CAGE1: variants seen among roughly 807,000 people sequenced by gnomAD.
The protein encoded by CAGE1 is cancer-associated gene 1 protein.
CAGE1 carries 66 observed loss-of-function variants against 94.9 expected under a neutral mutation model. The observed-to-expected ratio is 0.70, with a 90% confidence interval of 0.57 to 0.85. The LOEUF (loss-of-function observed/expected upper bound fraction) is 0.85. Among genes scored for constraint, CAGE1 ranks in the 40% least tolerant of loss-of-function variants. CAGE1 has a pLI of 0.00. For missense variants in CAGE1, 865 were observed against 950.4 expected (o/e 0.91, Z 1.18); for synonymous variants, 319 against 321.0 (o/e 0.99, Z 0.07).
intron 11 of CAGE1, among the ~76,000 whole-genome samples, chr6:7,345,220 A>G (rs1411796682): frequency 6.7e-6 from 1 of 149,862 alleles, no homozygotes; most frequent in Non-Finnish European, 1.5e-5. Flanking sequence ...AGTTAGTATA[A>G]GCTACCAGCC....
chr6:7,340,129 G>A (rs1471176700), intron 11 of CAGE1, among the ~76,000 whole-genome samples: 1 of 152,208 alleles, frequency 6.6e-6, no homozygotes, highest in Non-Finnish European at 1.5e-5. Context: ...GAGTAAGGTA[G>A]TATCACATTG....
At chr6:7,353,219 G>C (rs899923819) in intron 11 of CAGE1, among the ~76,000 whole-genome samples, 2 of 152,102 alleles carry the variant, frequency 1.3e-5, no homozygotes, top group Non-Finnish European at 2.9e-5. Flanking sequence ...CCATCAAAAA[G>C]TGGGCTAAGG....
Position 7,326,901 on chromosome 6 carries a change from T to TA in CAGE1, c.2479-3dup. The TA allele has an allele frequency of 1.9e-6, 3 of 1,583,784 alleles. No homozygotes were observed. Among genetic ancestry groups the TA allele is most frequent in the Non-Finnish European group, 2.6e-6 (3 of 1,153,094 alleles). Reference sequence around the variant, plus strand: ...ATTTTCTTTAAAAAGAGCTGGCATCTAAAAATGAAAGGAAAAATGTTTCGT... The same window carrying TA: ...ATTTTCTTTAAAAAGAGCTGGCATCTAAAAAATGAAAGGAAAAATGTTTCGT... On this transcript the variant is annotated splice_polypyrimidine_tract_variant and splice_region_variant and intron_variant, in intron 13 of 13. Coordinates refer to ENST00000502583, the MANE Select transcript of CAGE1 (RefSeq NM_001170692.2).
intron 5 of CAGE1, 67 bp from the exon 6 acceptor site, chr6:7,370,132 T>C: frequency 1.5e-6 from 2 of 1,311,954 alleles, no homozygotes; most frequent in East Asian, 5.1e-5. Context: ...TTAAGTAAAA[T>C]GCTGAATAAA....
intron 3 of CAGE1, among the ~76,000 whole-genome samples, chr6:7,381,163 C>A (rs1555770): frequency 6.6e-6 from 1 of 151,944 alleles, no homozygotes; most frequent in Admixed American, 6.6e-5. Context: ...AAGCTCTAAC[C>A]CCTAGTACCT....
intron 9 of CAGE1, 149 bp from the exon 10 acceptor site, chr6:7,356,278 T>C (rs1759950287): frequency 1.7e-6 from 1 of 599,820 alleles, no homozygotes; most frequent in Admixed American, 3.0e-5. Flanking sequence ...TGAGAGGCTA[T>C]GAACCAGATA....
intron 11 of CAGE1, chr6:7,338,763 T>A: frequency 1.4e-6 from 1 of 720,506 alleles, no homozygotes; most frequent in Non-Finnish European, 2.5e-6. Flanking sequence ...TTTTTTTCTG[T>A]CTTTGTACAA....
At chr6:7,358,025 G>GAAATATATATATATATAT (rs1491488344) in intron 9 of CAGE1, among the ~76,000 whole-genome samples, 10 of 20,296 alleles carry the variant, frequency 4.9e-4, no homozygotes, top group African/African-American at 1.6e-3. Flanking sequence ...GGTAAGTTTT[G>GAAATATATATATATATAT]AGATATATAT....
chr6:7,329,892 T>C lies in CAGE1; in HGVS notation c.2439-4A>G, dbSNP rs746266008. 3.6e-6 allele frequency: 5 copies of C among 1,381,824 alleles called. No individual in the cohort carries two copies. Among genetic ancestry groups the C allele is most frequent in the Non-Finnish European group, 5.1e-6 (5 of 987,218 alleles). 85.6% of individuals were successfully genotyped at this position (1,381,824 alleles called of 1,614,324 possible). A position where few individuals can be genotyped will look rare whatever the true frequency, so the allele number is the denominator to read the frequency against. On this transcript the variant is annotated splice_polypyrimidine_tract_variant and splice_region_variant and intron_variant, in intron 12 of 13. Coordinates refer to ENST00000502583, the MANE Select transcript of CAGE1 (RefSeq NM_001170692.2). ...ATGATTTTCTAAGCTTTTTGATCTGTAAGAAATAGAAAGAAAATAATGTAA... is the reference window on the plus strand; with the variant it reads ...ATGATTTTCTAAGCTTTTTGATCTGCAAGAAATAGAAAGAAAATAATGTAA...
In CAGE1 at chr6:7,387,129, A is replaced by G. The variant is rs1401581497; in HGVS notation, c.45T>C (p.Pro15=). 6.4e-7 allele frequency: 1 copy of G among 1,551,378 alleles called. No individual in the cohort carries two copies. The highest frequency in any genetic ancestry group is 8.7e-7 in the Non-Finnish European group (1 of 1,146,838). The change falls in exon 2 of 14, where the codon CCT becomes CCC. Residue 15 remains proline, a synonymous_variant. Coordinates refer to ENST00000502583, the MANE Select transcript of CAGE1 (RefSeq NM_001170692.2). ...YQKFWSSPSD[P]VHFEVDTSHE... ...GAGAAGTATCCACTTCAAAATGTAC[A>G]GGATCTGAAGGTGATGACCAAAATT...
Position 7,358,027 on chromosome 6 carries a change from GATATATATATATATATAT to G in CAGE1, c.2194-1916_2194-1899del, listed in dbSNP as rs55850429. Among the ~76,000 whole-genome samples the G allele has an allele frequency of 1.5e-3, 71 of 48,086 alleles. 3 individuals carry two copies. The highest frequency in any genetic ancestry group is 0.013 in the South Asian group (11 of 876). 31.5% of individuals were successfully genotyped at this position (48,086 alleles called of 152,430 possible). On this transcript the variant is annotated intron_variant, in intron 9 of 13. Coordinates refer to ENST00000502583, the MANE Select transcript of CAGE1 (RefSeq NM_001170692.2). ...CAGACTGCGGTTAGGTAAGTTTTGA[GATATATATATATATATAT>G]ATATATATATATATATATATATATA...
At position 7,365,867 on chromosome 6, in the gene CAGE1, A is replaced by C. The variant is rs892950401; in HGVS notation, c.2022T>G (p.Asp674Glu). The change falls in exon 8 of 14, where the codon GAT (aspartate) becomes GAG (glutamate). Residue 674 changes from aspartate to glutamate, a missense_variant. Asp to Glu is a conservative substitution (Grantham distance 45). Coordinates refer to ENST00000502583, the MANE Select transcript of CAGE1 (RefSeq NM_001170692.2). ...TLDKELLKHK[D>E]RITTFRELIA... The stretch of plus-strand genomic sequence containing the variant: ...TTAACTCTCTAAAGGTTGTGATTCT[A>C]TCTTTATGTTTCAGTAGCTAAGAAA... The C allele has an allele frequency of 2.4e-5, 37 of 1,528,232 alleles. No individual in the cohort carries two copies. Among genetic ancestry groups the C allele is most frequent in the Non-Finnish European group, 3.2e-5 (36 of 1,131,486 alleles). 94.7% of individuals were successfully genotyped at this position (1,528,232 alleles called of 1,614,324 possible). A position where few individuals can be genotyped will look rare whatever the true frequency, so the allele number is the denominator to read the frequency against.
At chr6:7,372,357 G>A (rs1760565194) in intron 5 of CAGE1, among the ~76,000 whole-genome samples, 1 of 151,568 alleles carries the variant, frequency 6.6e-6, no homozygotes, top group African/African-American at 2.4e-5. Context: ...TGTAATCCCA[G>A]TTACTCCGGA....
At chr6:7,334,497 G>A (rs1758880586) in intron 11 of CAGE1, among the ~76,000 whole-genome samples, 1 of 152,128 alleles carries the variant, frequency 6.6e-6, no homozygotes, top group Admixed American at 6.5e-5. Context: ...GGGAGGCTGA[G>A]GCAGGCGAGT....
chr6:7,328,926 A>ATTT lies in CAGE1; in HGVS notation c.2478+922_2478+923insAAA, dbSNP rs1324230400. Among the ~76,000 whole-genome samples the ATTT allele has an allele frequency of 4.7e-4, 40 of 85,456 alleles. 1 individual carries two copies. The highest frequency in any genetic ancestry group is 4.8e-3 in the Middle Eastern group (1 of 208). The allele number at this position is 85,456 out of a possible 152,430, so 56.1% of individuals were successfully genotyped here. On this transcript the variant is annotated intron_variant, in intron 13 of 13. Transcript: ENST00000502583. ...TGTGTGTGTGTGTGTGTGTATATAT[A>ATTT]TATATATATTTTTTTTTTTTTTTGA...
intron 9 of CAGE1, 127 bp downstream of exon 9, chr6:7,365,341 T>G: frequency 1.5e-6 from 1 of 668,284 alleles, no homozygotes. Context: ...TAAATAATAA[T>G]GCCATGATGC....
At position 7,373,675 on chromosome 6, in the gene CAGE1, A is replaced by C; in HGVS notation, c.1144T>G (p.Leu382Val). 6.2e-7 allele frequency: 1 copy of C among 1,613,180 alleles called. No homozygotes were observed. Among genetic ancestry groups the C allele is most frequent in the Non-Finnish European group, 8.5e-7 (1 of 1,179,518 alleles). The change falls in exon 5 of 14, where the codon TTG (leucine) becomes GTG (valine). Residue 382 changes from leucine (L) to valine (V), a missense_variant. Physicochemically the swap from Leu to Val is conservative, Grantham distance 32. Transcript: ENST00000502583. ...ILEKNDTKKT[L>V]QNLEEVLANT... The stretch of plus-strand genomic sequence containing the variant: ...GCTAAAACCTCTTCCAAATTCTGCA[A>C]TGTCTTTTTAGTATCATTCTTCTCT...
Position 7,389,529 on chromosome 6 carries a change from AG to A in CAGE1, c.-352del, listed in dbSNP as rs1260693582. Reference sequence around the variant, plus strand: ...TACTGTGGGTGCGGTGTCTTCCCAGAGAGTGGTGAAGTTAGGAAGGTACGAC... The same window carrying A: ...TACTGTGGGTGCGGTGTCTTCCCAGAAGTGGTGAAGTTAGGAAGGTACGAC... On this transcript the variant is annotated 5_prime_UTR_variant, in exon 1 of 14. Transcript: ENST00000502583. The A allele has an allele frequency of 2.9e-6, 1 of 350,578 alleles. No individual in the cohort carries two copies. Among genetic ancestry groups the A allele is most frequent in the Non-Finnish European group, 5.7e-6 (1 of 176,214 alleles). The allele number at this position is 350,578 out of a possible 1,614,324, so 21.7% of individuals were successfully genotyped here. A position where few individuals can be genotyped will look rare whatever the true frequency, so the allele number is the denominator to read the frequency against.
At chr6:7,341,070 G>T in intron 11 of CAGE1, 1 of 518,824 alleles carries the variant, frequency 1.9e-6, no homozygotes, top group Non-Finnish European at 3.8e-6. Context: ...AGAGGCCAGA[G>T]CTGCAGCTGT....
Sources: gnomAD v4.1 joint callset for allele counts (sites outside exome capture counted in the v4.1 genomes callset) on GRCh38, gnomAD v4.1.1 for gene constraint, MANE v1.5 for transcripts, NCBI Gene and HGNC (gene_info 2026-07-23, HGNC 2026-07-21) for gene names.